The following PRKAR1A variants were observed in gnomAD, a reference collection of about 807,000 sequenced individuals.
PRKAR1A encodes cAMP-dependent protein kinase type I-alpha regulatory subunit.
A neutral mutation model predicts 52.0 loss-of-function variants in PRKAR1A; 3 were observed. That is an observed-to-expected ratio of 0.06 (90% CI 0.03 to 0.15). The LOEUF (loss-of-function observed/expected upper bound fraction) is 0.15. Among genes scored for constraint, PRKAR1A ranks in the 10% least tolerant of loss-of-function variants. The pLI, the probability that PRKAR1A is intolerant of heterozygous loss-of-function variation, is 1.00. For missense variants in PRKAR1A, 240 were observed against 477.4 expected (o/e 0.50, Z 4.63); for synonymous variants, 188 against 168.4 (o/e 1.12, Z -0.90).
At chr17:68,434,718 A>G in the PRKAR1A span, 20 of 1,314,928 alleles carry the variant, frequency 1.5e-5, no homozygotes, top group Non-Finnish European at 2.1e-5. Context: ...TTGGTTTTGA[A>G]CATCTGTCTC....
the PRKAR1A span, chr17:68,427,100 G>A: frequency 1.3e-6 from 2 of 1,552,328 alleles, no homozygotes; most frequent in Non-Finnish European, 1.8e-6. Context: ...GGTCACTGTT[G>A]GAGATGCTCC....
chr17:68,416,956 A>G, the PRKAR1A span, among the ~76,000 whole-genome samples: 1 of 151,998 alleles, frequency 6.6e-6, no homozygotes, highest in Non-Finnish European at 1.5e-5. Context: ...TAACCTCCTG[A>G]ATTCTTTTTC....
At chr17:68,542,792 C>CG in intron 11 of PRKAR1A, 1 of 1,613,958 alleles carries the variant, frequency 6.2e-7, no homozygotes, top group Non-Finnish European at 8.5e-7. Context: ...TGGCGGCACC[C>CG]GTCGGAAGTC....
chr17:68,546,244 G>A (rs1488229401), intron 11 of PRKAR1A, among the ~76,000 whole-genome samples: 1 of 149,058 alleles, frequency 6.7e-6, no homozygotes, highest in African/African-American at 2.5e-5. Context: ...CAACAATTCA[G>A]TCACATTTTC....
the PRKAR1A span, among the ~76,000 whole-genome samples, chr17:68,439,324 A>G: frequency 3.3e-5 from 5 of 152,248 alleles, no homozygotes; most frequent in African/African-American, 1.2e-4. Flanking sequence ...GATACATGCT[A>G]CAACACAGAA....
chr17:68,532,542 T>C lies in PRKAR1A; in HGVS notation c.*2093T>C. 1 of 1,065,580 alleles carries C rather than the reference T, an allele frequency of 9.4e-7. No homozygotes were observed. 66.0% of individuals were successfully genotyped at this position (1,065,580 alleles called of 1,614,324 possible). A position where few individuals can be genotyped will look rare whatever the true frequency, so the allele number is the denominator to read the frequency against. On this transcript the variant is annotated 3_prime_UTR_variant, in exon 11 of 11. Transcript: ENST00000589228. Reference sequence around the variant, plus strand: ...ATGTGAGAAATCAGAATTGGCATAATTTGTCTTAGTTGATATTCAAGGCTT... The same window carrying C: ...ATGTGAGAAATCAGAATTGGCATAACTTGTCTTAGTTGATATTCAAGGCTT...
At chr17:68,447,126 C>T in the PRKAR1A span, among the ~76,000 whole-genome samples, 1 of 152,146 alleles carries the variant, frequency 6.6e-6, no homozygotes. Context: ...TTATCAATTA[C>T]AAAATATTTA....
At chr17:68,463,215 G>A in the PRKAR1A span, among the ~76,000 whole-genome samples, 1 of 152,140 alleles carries the variant, frequency 6.6e-6, no homozygotes, top group Non-Finnish European at 1.5e-5. Context: ...GGACACCTCA[G>A]GAAAAACTGG....
chr17:68,426,112 C>T, the PRKAR1A span: 2 of 1,612,666 alleles, frequency 1.2e-6, no homozygotes, highest in South Asian at 1.1e-5. Flanking sequence ...ACACACTGGT[C>T]CCGTCGCAAA....
downstream of PRKAR1A, chr17:68,535,642 T>C (rs1312855733): frequency 1.3e-5 from 6 of 453,568 alleles, no homozygotes; most frequent in South Asian, 9.3e-5. Flanking sequence ...TTAAGGTTTC[T>C]CTGTTAAAGA....
chr17:68,416,057 C>T, the PRKAR1A span, among the ~76,000 whole-genome samples: 11 of 152,146 alleles, frequency 7.2e-5, no homozygotes, highest in African/African-American at 2.7e-4. Flanking sequence ...ATTCCTCATG[C>T]TATTTGTTGC....
the PRKAR1A span, among the ~76,000 whole-genome samples, chr17:68,486,513 CTTT>C: frequency 4.0e-4 from 23 of 57,344 alleles, no homozygotes; most frequent in African/African-American, 9.6e-4. Flanking sequence ...TTCCTTCTTT[CTTT>C]CTTTCTTTCT....
At chr17:68,509,305 T>C (rs934380218), upstream of PRKAR1A, among the ~76,000 whole-genome samples, 8 of 152,152 alleles carry the variant, frequency 5.3e-5, no homozygotes. Flanking sequence ...TCCCAGTACA[T>C]GCGTGGGTCA....
intron 11 of PRKAR1A, chr17:68,541,264 G>A (rs950900222): frequency 2.0e-5 from 8 of 397,776 alleles, no homozygotes; most frequent in East Asian, 1.7e-4. Context: ...CTGCTTCCTC[G>A]TCCCTCCACA....
the PRKAR1A span, among the ~76,000 whole-genome samples, chr17:68,416,597 C>T: frequency 6.6e-6 from 1 of 152,184 alleles, no homozygotes; most frequent in Non-Finnish European, 1.5e-5. Context: ...TCCTCAGGAA[C>T]ACCAATTATT....
chr17:68,544,532 G>A (rs1259750265), intron 11 of PRKAR1A, among the ~76,000 whole-genome samples: 2 of 152,156 alleles, frequency 1.3e-5, no homozygotes, highest in Non-Finnish European at 2.9e-5. Context: ...CTGTTGAAAC[G>A]ACTGCAAGGC....
At chr17:68,489,316 GTATATATATATA>G in the PRKAR1A span, among the ~76,000 whole-genome samples, 1 of 26,192 alleles carries the variant, frequency 3.8e-5, no homozygotes, top group African/African-American at 1.9e-4. Context: ...TATATGGAAA[GTATATATATATA>G]TATATGGAAA....
At chr17:68,489,280 ATATATATATGGAAAG>A in the PRKAR1A span, among the ~76,000 whole-genome samples, 1 of 37,608 alleles carries the variant, frequency 2.7e-5, no homozygotes, top group Non-Finnish European at 4.9e-5. Context: ...ATATATATAT[ATATATATATGGAAAG>A]TATATATATA....
rs1244891815 is a variant in PRKAR1A, at chr17:68,523,900, A to C, written c.440+84A>C. ...TTTCAACACTTGTTGCAAGTTTTAGAGCTCTTAGTAATTGTTCACCAGATG... is the reference window on the plus strand; with the variant it reads ...TTTCAACACTTGTTGCAAGTTTTAGCGCTCTTAGTAATTGTTCACCAGATG... On this transcript the variant is annotated intron_variant, in intron 4 of 10. Coordinates refer to ENST00000589228, the MANE Select transcript of PRKAR1A (RefSeq NM_002734.5). 1.9e-6 allele frequency: 3 copies of C among 1,574,512 alleles called. No homozygotes were observed. The African/African-American group carries it at 4.1e-5, about 21-fold the overall frequency.
Sources: gnomAD v4.1 joint callset for allele counts (sites outside exome capture counted in the v4.1 genomes callset) on GRCh38, gnomAD v4.1.1 for gene constraint, MANE v1.5 for transcripts, NCBI Gene and HGNC (gene_info 2026-07-23, HGNC 2026-07-21) for gene names.